WDFY3: variants seen among roughly 807,000 people sequenced by gnomAD.
The protein encoded by WDFY3 is WD repeat and FYVE domain-containing protein 3.
WDFY3 carries 66 observed loss-of-function variants against 409.6 expected under a neutral mutation model. That is an observed-to-expected ratio of 0.16 (90% CI 0.13 to 0.20). The LOEUF (loss-of-function observed/expected upper bound fraction) is 0.20. Among genes scored for constraint, WDFY3 ranks in the 10% least tolerant of loss-of-function variants. The pLI, the probability that WDFY3 is intolerant of heterozygous loss-of-function variation, is 1.00. For synonymous variants in WDFY3, 1,521 were observed against 1,537.1 expected, an observed-to-expected ratio of 0.99 and a Z score of 0.25; for missense variants, 3,031 against 4,298.1, an observed-to-expected ratio of 0.71 and a Z score of 8.24.
At chr4:84,879,154 C>G (rs528410791) in intron 3 of WDFY3, among the ~76,000 whole-genome samples, 1 of 152,136 alleles carries the variant, frequency 6.6e-6, no homozygotes, top group Non-Finnish European at 1.5e-5. Flanking sequence ...ATCTTCTGCC[C>G]TAGCCCTCCC....
chr4:84,896,164 G>A (rs980695698), intron 3 of WDFY3, among the ~76,000 whole-genome samples: 4 of 152,052 alleles, frequency 2.6e-5, no homozygotes, highest in Non-Finnish European at 4.4e-5. Flanking sequence ...GCTGAGGCAG[G>A]AGAATCGCTT....
Position 84,821,389 on chromosome 4 carries a change from T to C in WDFY3, c.1286A>G (p.Gln429Arg), listed in dbSNP as rs1437121258. 1 of 1,613,942 alleles carries C rather than the reference T, an allele frequency of 6.2e-7. No individual in the cohort carries two copies. ...FILESQHTLS[Q>R]FAEKISKLPE... ...GAGTTTAGAAATCTTCTCTGCAAAC[T>C]GTGACAATGTGTGCTGTGACTCTAG... The change falls in exon 11 of 68, where the codon CAG becomes CGG. Residue 429 changes from glutamine to arginine, a missense_variant. By Grantham distance (43) the Gln-to-Arg change is conservative. Coordinates refer to ENST00000295888, the MANE Select transcript of WDFY3 (RefSeq NM_014991.6).
intron 3 of WDFY3, among the ~76,000 whole-genome samples, chr4:84,871,509 G>T (rs1202244839): frequency 6.6e-6 from 1 of 152,072 alleles, no homozygotes; most frequent in Admixed American, 6.5e-5. Context: ...TTCTCTGCAA[G>T]AAATGTTAAA....
At chr4:84,930,036 C>G (rs1770555008) in intron 2 of WDFY3, among the ~76,000 whole-genome samples, 1 of 152,102 alleles carries the variant, frequency 6.6e-6, no homozygotes, top group South Asian at 2.1e-4. Context: ...CCCTCACAGG[C>G]CTCAGGAGCC....
intron 13 of WDFY3, among the ~76,000 whole-genome samples, chr4:84,813,358 G>A (rs566232990): frequency 7.9e-5 from 12 of 152,202 alleles, no homozygotes; most frequent in East Asian, 3.9e-4. Context: ...GTTGTTAAAC[G>A]TACAATCATA....
chr4:84,701,371 A>C (rs1731045359), intron 56 of WDFY3, among the ~76,000 whole-genome samples: 1 of 152,198 alleles, frequency 6.6e-6, no homozygotes, highest in South Asian at 2.1e-4. Context: ...CTGATGGACA[A>C]TTAAATACAT....
chr4:84,857,384 T>C (rs972100557), intron 4 of WDFY3, among the ~76,000 whole-genome samples: 2 of 152,126 alleles, frequency 1.3e-5, no homozygotes, highest in African/African-American at 4.8e-5. Context: ...GGGATACATA[T>C]ATATGTAGGC....
intron 59 of WDFY3, among the ~76,000 whole-genome samples, chr4:84,692,319 A>C (rs541270592): frequency 3.7e-4 from 57 of 152,372 alleles, no homozygotes; most frequent in African/African-American, 1.3e-3. Flanking sequence ...CAAATGGCAT[A>C]GAATGGCACA....
In WDFY3 at chr4:84,737,230, C is replaced by A. The variant is rs998177245; in HGVS notation, c.6711G>T (p.Arg2237Ser). Residue 2237 changes from arginine (R) to serine (S), a missense_variant, in exon 41 of 68, where the codon AGG becomes AGT. Physicochemically the swap from Arg to Ser is moderately radical, Grantham distance 110. This residue lies in a region of WDFY3 where 314 missense variants were observed against 397.4 expected (regional missense o/e 0.79). Coordinates refer to ENST00000295888, the MANE Select transcript of WDFY3 (RefSeq NM_014991.6). Reference protein sequence around the residue: ...ERGHVDIATARPLIEEAALKC... With the variant: ...ERGHVDIATASPLIEEAALKC... Reference sequence around the variant, plus strand: ...TCAGGGCAGCTTCTTCAATGAGTGGCCTTGCTGTAGCTATGTCCACGTGGC... The same window carrying A: ...TCAGGGCAGCTTCTTCAATGAGTGGACTTGCTGTAGCTATGTCCACGTGGC... The A allele has an allele frequency of 1.9e-6, 3 of 1,613,950 alleles. No homozygotes were observed. Among genetic ancestry groups the A allele is most frequent in the Non-Finnish European group, 1.7e-6 (2 of 1,180,008 alleles).
At chr4:84,691,252 A>G (rs1017914823) in intron 60 of WDFY3, among the ~76,000 whole-genome samples, 2 of 151,960 alleles carry the variant, frequency 1.3e-5, no homozygotes, top group Admixed American at 1.3e-4. Flanking sequence ...GCTTGTTTGG[A>G]GCACTAAAAT....
intron 65 of WDFY3, 132 bp from the exon 66 acceptor site, chr4:84,678,411 G>A (rs1726733698): frequency 1.1e-5 from 7 of 611,848 alleles, no homozygotes; most frequent in Middle Eastern, 2.9e-4. Context: ...TCCAGTTCTC[G>A]GCAGCTGCTG....
intron 1 of WDFY3, among the ~76,000 whole-genome samples, chr4:84,937,030 C>G (rs1771506861): frequency 2.0e-5 from 3 of 152,250 alleles, no homozygotes; most frequent in South Asian, 4.1e-4. Flanking sequence ...AACCTCTCGA[C>G]TCCTTATATG....
At chr4:84,955,564 T>A (rs1012447733) in intron 1 of WDFY3, among the ~76,000 whole-genome samples, 1 of 152,194 alleles carries the variant, frequency 6.6e-6, no homozygotes, top group Non-Finnish European at 1.5e-5. Flanking sequence ...CTTTTAGTAA[T>A]AAAATATAAA....
intron 7 of WDFY3, among the ~76,000 whole-genome samples, chr4:84,834,551 T>C (rs1578738049): frequency 6.6e-6 from 1 of 151,420 alleles, no homozygotes; most frequent in East Asian, 1.9e-4. Context: ...CTTGGGTGGC[T>C]GAGGCACAAA....
At chr4:84,765,103 T>C (rs1166763226) in intron 32 of WDFY3, among the ~76,000 whole-genome samples, 7 of 152,180 alleles carry the variant, frequency 4.6e-5, no homozygotes, top group Non-Finnish European at 8.8e-5. Flanking sequence ...ACATGACAAA[T>C]GTATTTTTAA....
Position 84,796,748 on chromosome 4 carries a change from A to T in WDFY3, c.2940T>A (p.Ser980Arg). 1 of 1,609,784 alleles carries T rather than the reference A, an allele frequency of 6.2e-7. No homozygotes were observed. Among genetic ancestry groups the T allele is most frequent in the Non-Finnish European group, 8.5e-7 (1 of 1,177,204 alleles). Residue 980 changes from serine (S) to arginine (R), a missense_variant, in exon 19 of 68, where the codon AGT (serine) becomes AGA (arginine). Coordinates refer to ENST00000295888, the MANE Select transcript of WDFY3 (RefSeq NM_014991.6). ...CCAGACCTTCCAGAGATGTGATCAT[A>T]CTACCTGTAAGTCAAGGAAATCTCT... ...SLSYEPEMRS[S>R]MITSLEGLGT...
intron 32 of WDFY3, among the ~76,000 whole-genome samples, chr4:84,759,627 A>C (rs1323347947): frequency 6.7e-6 from 1 of 148,862 alleles, no homozygotes; most frequent in South Asian, 2.2e-4. Flanking sequence ...GTGTATAAGA[A>C]TGCTTGTGAT....
At chr4:84,830,505 C>T (rs937317832) in intron 8 of WDFY3, among the ~76,000 whole-genome samples, 2 of 152,192 alleles carry the variant, frequency 1.3e-5, no homozygotes, top group Admixed American at 1.3e-4. Context: ...TCGACTTACA[C>T]TATTTTCAAA....
At chr4:84,683,651 C>T (rs760897097) in intron 63 of WDFY3, among the ~76,000 whole-genome samples, 2 of 152,134 alleles carry the variant, frequency 1.3e-5, no homozygotes, top group Non-Finnish European at 2.9e-5. Flanking sequence ...TTCTGCAGTT[C>T]GCATGTTGAG....
Sources: gnomAD v4.1 joint callset for allele counts (sites outside exome capture counted in the v4.1 genomes callset) on GRCh38, gnomAD v4.1.1 for gene constraint, gnomAD v4.1.1 regional missense constraint, MANE v1.5 for transcripts, NCBI Gene and HGNC (gene_info 2026-07-23, HGNC 2026-07-21) for gene names.